TTC28: variants seen among roughly 807,000 people sequenced by gnomAD.
TTC28 encodes the protein tetratricopeptide repeat protein 28.
In TTC28, 61 loss-of-function variants were observed where a neutral mutation model predicts 198.0. That is an observed-to-expected ratio of 0.31 (90% CI 0.25 to 0.38). TTC28 has a LOEUF of 0.38. Ranked by LOEUF, TTC28 falls within the 10% of genes least tolerant of loss-of-function variation. TTC28 has a pLI of 1.00. For missense variants in TTC28, 2,678 were observed against 3,164.0 expected (o/e 0.85, Z 3.69); for synonymous variants, 1,171 against 1,297.8 (o/e 0.90, Z 2.10).
intron 12 of TTC28, among the ~76,000 whole-genome samples, chr22:28,077,095 C>A (rs1941194207): frequency 6.6e-6 from 1 of 152,052 alleles, no homozygotes; most frequent in Non-Finnish European, 1.5e-5. Flanking sequence ...TTCACTGTGG[C>A]TCATTTGTTG....
intron 13 of TTC28, among the ~76,000 whole-genome samples, chr22:28,029,852 T>C (rs1292833905): frequency 1.3e-5 from 2 of 152,194 alleles, no homozygotes; most frequent in African/African-American, 4.8e-5. Context: ...TCAGTGCAGG[T>C]ACCTGGCCCA....
chr22:28,421,873 T>G (rs2047259732), intron 2 of TTC28, among the ~76,000 whole-genome samples: 1 of 148,738 alleles, frequency 6.7e-6, no homozygotes, highest in Non-Finnish European at 1.5e-5. Context: ...AGGCGGAGGT[T>G]GCAGTGAGCA....
At chr22:28,199,641 G>A (rs1440573245) in intron 5 of TTC28, among the ~76,000 whole-genome samples, 1 of 150,952 alleles carries the variant, frequency 6.6e-6, no homozygotes, top group African/African-American at 2.4e-5. Flanking sequence ...ACAAGCTCTG[G>A]AGGAGGGTTT....
intron 2 of TTC28, among the ~76,000 whole-genome samples, chr22:28,401,437 G>A (rs1399225363): frequency 6.6e-6 from 1 of 152,034 alleles, no homozygotes; most frequent in East Asian, 1.9e-4. Context: ...CCAACATGGT[G>A]AAACCCCATC....
At chr22:28,637,638 C>A (rs560695946) in intron 1 of TTC28, among the ~76,000 whole-genome samples, 2 of 151,826 alleles carry the variant, frequency 1.3e-5, no homozygotes, top group African/African-American at 4.8e-5. Context: ...GACAAAATGG[C>A]AATAGTAAGT....
At chr22:28,205,420 C>T (rs2147163859) in intron 5 of TTC28, among the ~76,000 whole-genome samples, 1 of 152,106 alleles carries the variant, frequency 6.6e-6, no homozygotes, top group Admixed American at 6.6e-5. Flanking sequence ...GCACCTGAAG[C>T]CCAGACTACA....
chr22:28,557,826 G>A (rs902655332), intron 2 of TTC28, among the ~76,000 whole-genome samples: 3 of 152,066 alleles, frequency 2.0e-5, no homozygotes, highest in African/African-American at 7.2e-5. Context: ...GGAACTATGG[G>A]CTCTATCAAT....
chr22:28,044,888 G>A (rs765341785), intron 12 of TTC28, among the ~76,000 whole-genome samples: 2 of 152,060 alleles, frequency 1.3e-5, no homozygotes, highest in Non-Finnish European at 2.9e-5. Context: ...TTTGTTAAAG[G>A]AGAAATACAG....
chr22:28,579,176 GTA>G (rs1383172053), intron 2 of TTC28, among the ~76,000 whole-genome samples: 14 of 149,892 alleles, frequency 9.3e-5, no homozygotes, highest in South Asian at 6.3e-4. Flanking sequence ...CTACACGTAT[GTA>G]TAGTTATATA....
At chr22:28,229,153 C>A (rs1422711879) in intron 5 of TTC28, among the ~76,000 whole-genome samples, 1 of 152,106 alleles carries the variant, frequency 6.6e-6, no homozygotes, top group Non-Finnish European at 1.5e-5. Flanking sequence ...AAGACTCCAT[C>A]TCAAAAAACA....
intron 12 of TTC28, among the ~76,000 whole-genome samples, chr22:28,069,241 T>C (rs1040738618): frequency 2.6e-5 from 4 of 152,226 alleles, no homozygotes; most frequent in Admixed American, 2.6e-4. Flanking sequence ...AAGGCCGACG[T>C]TTGTATTCTA....
chr22:28,630,532 T>C (rs986877001), intron 1 of TTC28, among the ~76,000 whole-genome samples: 4 of 152,188 alleles, frequency 2.6e-5, no homozygotes, highest in African/African-American at 9.6e-5. Flanking sequence ...CCCAGGTTGA[T>C]TTTGAACTAC....
At chr22:28,620,049 G>A (rs981646003) in intron 2 of TTC28, among the ~76,000 whole-genome samples, 3 of 152,168 alleles carry the variant, frequency 2.0e-5, no homozygotes, top group Non-Finnish European at 4.4e-5. Flanking sequence ...ACAACTAGCA[G>A]GAGAAACAAT....
chr22:28,507,471 T>C (rs1490293789), intron 2 of TTC28, among the ~76,000 whole-genome samples: 1 of 152,194 alleles, frequency 6.6e-6, no homozygotes, highest in Admixed American at 6.5e-5. Context: ...TGGAACCAAG[T>C]TGGAAAACAT....
intron 2 of TTC28, among the ~76,000 whole-genome samples, chr22:28,500,025 T>C (rs2048513904): frequency 6.6e-6 from 1 of 152,192 alleles, no homozygotes. Context: ...ACACTAGAAT[T>C]TGAATAACTT....
intron 2 of TTC28, among the ~76,000 whole-genome samples, chr22:28,440,078 C>T (rs1453167863): frequency 2.0e-5 from 3 of 152,334 alleles, no homozygotes; most frequent in Non-Finnish European, 4.4e-5. Flanking sequence ...TCAGGTCATC[C>T]GCTCGCCTCG....
chr22:28,250,990 AT>A (rs1259835463), intron 5 of TTC28, among the ~76,000 whole-genome samples: 2 of 152,168 alleles, frequency 1.3e-5, no homozygotes, highest in Admixed American at 6.5e-5. Context: ...GAGTTATATA[AT>A]TTTCAAGTCA....
intron 2 of TTC28, among the ~76,000 whole-genome samples, chr22:28,487,032 C>G (rs967879443): frequency 6.6e-6 from 1 of 152,128 alleles, no homozygotes; most frequent in Non-Finnish European, 1.5e-5. Flanking sequence ...TTTAGTTGAG[C>G]AAGTGAGTGG....
At chr22:28,432,888 A>C (rs2047454019) in intron 2 of TTC28, among the ~76,000 whole-genome samples, 1 of 152,166 alleles carries the variant, frequency 6.6e-6, no homozygotes, top group Admixed American at 6.5e-5. Context: ...CTTCATTCTC[A>C]ACTATCTTCT....
Sources: gnomAD v4.1 joint callset for allele counts (sites outside exome capture counted in the v4.1 genomes callset) on GRCh38, gnomAD v4.1.1 for gene constraint, MANE v1.5 for transcripts, NCBI Gene and HGNC (gene_info 2026-07-23, HGNC 2026-07-21) for gene names.